DUSP22: variants seen among roughly 807,000 people sequenced by gnomAD.
The protein encoded by DUSP22 is dual specificity phosphatase 22.
DUSP22 carries 24 observed loss-of-function variants against 24.5 expected under a neutral mutation model. That is an observed-to-expected ratio of 0.98 (90% confidence interval 0.71 to 1.38). DUSP22 has a LOEUF of 1.38. Among genes scored for constraint, DUSP22 ranks in the 40% most tolerant of loss-of-function variants. DUSP22 has a pLI of 0.00. For synonymous variants in DUSP22, 160 were observed against 106.4 expected (o/e 1.50, Z -3.10); for missense variants, 330 against 269.2 (o/e 1.23, Z -1.58).
intron 3 of DUSP22, among the ~76,000 whole-genome samples, chr6:316,078 G>T (rs1160296904): frequency 6.6e-6 from 1 of 152,306 alleles, no homozygotes; most frequent in African/African-American, 2.4e-5. Flanking sequence ...TGGCATTCCA[G>T]CTGGTGGAGA....
At chr6:307,632 G>A (rs555672559) in intron 2 of DUSP22, among the ~76,000 whole-genome samples, 86 of 152,392 alleles carry the variant, frequency 5.6e-4, no homozygotes, top group African/African-American at 1.9e-3. Context: ...TCCCTGGGCC[G>A]GAGGGTGGGT....
chr6:318,023 G>T (rs1473613018), intron 3 of DUSP22, among the ~76,000 whole-genome samples: 10 of 152,302 alleles, frequency 6.6e-5, no homozygotes, highest in Non-Finnish European at 1.0e-4. Flanking sequence ...ATGCAGCCTC[G>T]CTTATATGGG....
chr6:350,149 A>T lies in DUSP22; in HGVS notation c.*1198A>T, dbSNP rs1760123104. The stretch of plus-strand genomic sequence containing the variant: ...GGTATGCAAGTCAGCTTTGCCTCAC[A>T]GTTGAAAATGTTCGGTCATGATTGC... On this transcript the variant is annotated 3_prime_UTR_variant, in exon 7 of 7. Coordinates refer to ENST00000419235, the MANE Select transcript of DUSP22 (RefSeq NM_001286555.3). 1.0e-6 allele frequency: 1 copy of T among 986,180 alleles called. No individual in the cohort carries two copies. The highest frequency in any genetic ancestry group is 1.2e-6 in the Non-Finnish European group (1 of 830,464). The allele number at this position is 986,180 out of a possible 1,614,324, so 61.1% of individuals were successfully genotyped here. A position where few individuals can be genotyped will look rare whatever the true frequency, so the allele number is the denominator to read the frequency against.
Position 350,862 on chromosome 6 carries a change from A to G in DUSP22, c.*1911A>G. On this transcript the variant is annotated 3_prime_UTR_variant, in exon 7 of 7. Transcript: ENST00000419235. Reference sequence around the variant, plus strand: ...TGAAGTTCTGGGCCTTTCTCAGAAGACTGTAATGTACCTGAAGTTTCTGAA... The same window carrying G: ...TGAAGTTCTGGGCCTTTCTCAGAAGGCTGTAATGTACCTGAAGTTTCTGAA... 6.2e-7 allele frequency: 1 copy of G among 1,614,262 alleles called. No homozygotes were observed. The highest frequency in any genetic ancestry group is 8.5e-7 in the Non-Finnish European group (1 of 1,180,022).
At chr6:296,569 G>C (rs1339185706) in intron 1 of DUSP22, among the ~76,000 whole-genome samples, 1 of 152,302 alleles carries the variant, frequency 6.6e-6, no homozygotes, top group Non-Finnish European at 1.5e-5. Context: ...AAAACTCCTA[G>C]TTGACTCAAA....
At chr6:303,157 C>T (rs570639053) in intron 1 of DUSP22, among the ~76,000 whole-genome samples, 28 of 152,410 alleles carry the variant, frequency 1.8e-4, no homozygotes, top group African/African-American at 5.8e-4. Flanking sequence ...GAATGAGAGA[C>T]TACACACAGC....
intron 2 of DUSP22, among the ~76,000 whole-genome samples, chr6:306,464 G>T (rs1236955192): frequency 6.6e-6 from 1 of 152,308 alleles, no homozygotes; most frequent in African/African-American, 2.4e-5. Flanking sequence ...CCTGGATCTT[G>T]TGCTTTGTGG....
intron 2 of DUSP22, among the ~76,000 whole-genome samples, chr6:308,456 A>C (rs1268672110): frequency 6.6e-6 from 1 of 152,194 alleles, no homozygotes; most frequent in African/African-American, 2.4e-5. Flanking sequence ...GTAAGTGGGC[A>C]GAGCCTGTGC....
intron 5 of DUSP22, 49 bp from the exon 6 acceptor site, chr6:348,054 C>G (rs777720871): frequency 6.2e-7 from 1 of 1,607,732 alleles, no homozygotes; most frequent in South Asian, 1.1e-5. Flanking sequence ...GGCGATGAAC[C>G]CGGAGATCTG....
At chr6:346,126 G>C (rs896028717) in intron 5 of DUSP22, among the ~76,000 whole-genome samples, 198 bp downstream of exon 5, 1 of 152,296 alleles carries the variant, frequency 6.6e-6, no homozygotes, top group Non-Finnish European at 1.5e-5. Context: ...ACCCTAACTC[G>C]TTTTGCTTTT....
intron 3 of DUSP22, among the ~76,000 whole-genome samples, chr6:323,425 A>C (rs1235666170): frequency 6.6e-6 from 1 of 152,296 alleles, no homozygotes; most frequent in Non-Finnish European, 1.5e-5. Context: ...AGCAAATGAA[A>C]TGCATGGTGA....
intron 4 of DUSP22, among the ~76,000 whole-genome samples, chr6:336,178 T>C (rs900355623): frequency 6.6e-6 from 1 of 152,306 alleles, no homozygotes; most frequent in Non-Finnish European, 1.5e-5. Flanking sequence ...AGTAAAGTAC[T>C]TAGCATCCCA....
At chr6:304,982 C>A (rs1203793449) in intron 2 of DUSP22, among the ~76,000 whole-genome samples, 2 of 152,310 alleles carry the variant, frequency 1.3e-5, no homozygotes, top group African/African-American at 4.8e-5. Context: ...TTTTACTGAG[C>A]ACAGTGTCAC....
At chr6:293,168 CTGA>C (rs1757173648) in intron 1 of DUSP22, among the ~76,000 whole-genome samples, 1 of 152,292 alleles carries the variant, frequency 6.6e-6, no homozygotes, top group Non-Finnish European at 1.5e-5. Context: ...GCTGCTTGCG[CTGA>C]TGAGGCCTTC....
intron 3 of DUSP22, among the ~76,000 whole-genome samples, chr6:322,434 C>T (rs1226361310): frequency 6.6e-6 from 1 of 152,294 alleles, no homozygotes; most frequent in African/African-American, 2.4e-5. Flanking sequence ...ACTCTGGCCC[C>T]AGTGTAGAGC....
chr6:293,286 G>C (rs1260211613), intron 1 of DUSP22, among the ~76,000 whole-genome samples: 2 of 152,288 alleles, frequency 1.3e-5, no homozygotes, highest in Non-Finnish European at 2.9e-5. Flanking sequence ...AGCCTTTCCC[G>C]TCCAGGGAAG....
intron 3 of DUSP22, among the ~76,000 whole-genome samples, chr6:333,463 C>T (rs1329193390): frequency 6.6e-6 from 1 of 152,302 alleles, no homozygotes; most frequent in Non-Finnish European, 1.5e-5. Flanking sequence ...TGATTCAAAG[C>T]ATACAGAAAC....
intron 2 of DUSP22, among the ~76,000 whole-genome samples, chr6:306,172 G>A (rs1448930182): frequency 1.3e-5 from 2 of 152,304 alleles, no homozygotes; most frequent in Admixed American, 1.3e-4. Flanking sequence ...TATTTAGTGA[G>A]TTATTAACTG....
In DUSP22 at chr6:349,612, C is replaced by G; in HGVS notation, c.*661C>G. 3.0e-6 allele frequency: 3 copies of G among 987,248 alleles called. No individual in the cohort carries two copies. The highest frequency in any genetic ancestry group is 3.6e-6 in the Non-Finnish European group (3 of 831,354). 61.2% of individuals were successfully genotyped at this position (987,248 alleles called of 1,614,324 possible). A position where few individuals can be genotyped will look rare whatever the true frequency, so the allele number is the denominator to read the frequency against. ...AGACTCCTCTAGAGGGAGGGTGGCT[C>G]TGGGGCCCTGGAAAACGTGAGAGAC... On this transcript the variant is annotated 3_prime_UTR_variant, in exon 7 of 7. Transcript: ENST00000419235.
Sources: allele counts gnomAD v4.1 joint callset (sites outside exome capture counted in the v4.1 genomes callset), GRCh38; gene constraint gnomAD v4.1.1; transcripts MANE v1.5; gene names NCBI Gene and HGNC (gene_info 2026-07-23, HGNC 2026-07-21).